CFAP251: variants seen among roughly 807,000 people sequenced by gnomAD.
CFAP251 encodes cilia and flagella associated protein 251.
In CFAP251, 93 loss-of-function variants were observed where a neutral mutation model predicts 126.7. The observed-to-expected ratio is 0.73, with a 90% CI of 0.62 to 0.87. CFAP251 has a LOEUF of 0.87. Among genes scored for constraint, CFAP251 ranks in the 40% least tolerant of loss-of-function variants. The pLI is 0.00. For synonymous variants in CFAP251, 503 were observed against 506.9 expected (o/e 0.99, Z 0.10); for missense variants, 1,287 against 1,389.2 (o/e 0.93, Z 1.17).
In CFAP251 at chr12:121,975,304, G is replaced by C. The variant is rs201027242; in HGVS notation, c.2832G>C (p.Leu944=). 1.8e-5 allele frequency: 29 copies of C among 1,614,086 alleles called. No homozygotes were observed. Among genetic ancestry groups the C allele is most frequent in the Non-Finnish European group, 3.4e-6 (4 of 1,180,044 alleles). Residue 944 remains leucine, a synonymous_variant, in exon 18 of 22, where the codon CTG becomes CTC. Transcript: ENST00000288912. ...GEDLTPFYGL[L]SGGREGKFYR... is the part of the protein sequence containing the mutation. ...ACTTGACCCCATTCTATGGTCTGCT[G>C]TCTGGTGGCCGGGAAGGAAAATTCT...
chr12:121,978,114 C>T (rs994573926), intron 19 of CFAP251, among the ~76,000 whole-genome samples: 5 of 151,258 alleles, frequency 3.3e-5, no homozygotes, highest in African/African-American at 4.9e-5. Context: ...TCTCCAAGGC[C>T]GGGCGCGGTG....
At chr12:121,931,279 AT>A (rs11294634) in intron 3 of CFAP251, among the ~76,000 whole-genome samples, 9,267 of 151,882 alleles carry the variant, frequency 0.061, 525 homozygotes, top group East Asian at 0.21. Context: ...CACCCTTTAA[AT>A]TTTTTTTTAA....
intron 17 of CFAP251, chr12:121,969,028 C>T (rs915023559): frequency 8.1e-6 from 8 of 985,170 alleles, no homozygotes; most frequent in Middle Eastern, 5.2e-4. Flanking sequence ...GACCACTTCT[C>T]CAAGCCCCTG....
rs1235366137 is a variant in CFAP251, at chr12:121,951,671, C to G, written c.1320+141C>G. On this transcript the variant is annotated intron_variant, in intron 9 of 21. Transcript: ENST00000288912. ...ATAATTTGAAAAATTTTACTTGGGT[C>G]CTGTATACATATTGAATTGTCAGTT... 7.2e-6 allele frequency: 4 copies of G among 555,416 alleles called. No individual in the cohort carries two copies. The Admixed American group carries it at 1.1e-4, about 16-fold the overall frequency. The allele number at this position is 555,416 out of a possible 1,614,324, so 34.4% of individuals were successfully genotyped here. A position where few individuals can be genotyped will look rare whatever the true frequency, so the allele number is the denominator to read the frequency against.
chr12:121,979,385 G>A (rs144455470), intron 19 of CFAP251, among the ~76,000 whole-genome samples: 4 of 152,076 alleles, frequency 2.6e-5, no homozygotes, highest in South Asian at 2.1e-4. Context: ...AAGCTGCATC[G>A]GAGCATTTAC....
At chr12:121,939,867 T>C (rs566617674) in intron 5 of CFAP251, among the ~76,000 whole-genome samples, 2 of 152,348 alleles carry the variant, frequency 1.3e-5, no homozygotes, top group East Asian at 3.9e-4. Context: ...CTTTGATTAA[T>C]GTTTGGCCCC....
intron 7 of CFAP251, among the ~76,000 whole-genome samples, chr12:121,947,429 G>A (rs761057975): frequency 7.9e-5 from 12 of 151,640 alleles, no homozygotes; most frequent in Non-Finnish European, 7.4e-5. Context: ...TTTTCCCCTT[G>A]GTTTTCAGTC....
rs771231422 is a variant in CFAP251, at chr12:121,968,120, A to G, written c.2722A>G (p.Thr908Ala). ...AVSYDGCYAF[T>A]AGGHDRSVVQ... ...TTCCTATGATGGCTGCTACGCCTTC[A>G]CTGCGGGAGGGCACGATCGCTCGGT... Residue 908 changes from threonine (T) to alanine (A), a missense_variant, in exon 17 of 22, where the codon ACT becomes GCT. Coordinates refer to ENST00000288912, the MANE Select transcript of CFAP251 (RefSeq NM_144668.6). 1 of 1,613,150 alleles carries G rather than the reference A, an allele frequency of 6.2e-7. No individual in the cohort carries two copies. Among genetic ancestry groups the G allele is most frequent in the Non-Finnish European group, 8.5e-7 (1 of 1,179,240 alleles).
At chr12:121,923,504 A>T in intron 2 of CFAP251, 118 bp from the exon 3 acceptor site, 2 of 1,344,918 alleles carry the variant, frequency 1.5e-6, no homozygotes, top group Non-Finnish European at 2.0e-6. Context: ...CTTTTAAAAA[A>T]CATTTCATAA....
chr12:121,975,771 A>G, intron 19 of CFAP251, 86 bp downstream of exon 19: 2 of 1,417,512 alleles, frequency 1.4e-6, no homozygotes, highest in Non-Finnish European at 1.9e-6. Context: ...GGTCAAAGCA[A>G]AAATTGCACA....
chr12:121,967,151 A>C, intron 16 of CFAP251, 82 bp downstream of exon 16: 5 of 1,352,638 alleles, frequency 3.7e-6, no homozygotes, highest in Non-Finnish European at 5.2e-6. Context: ...CACGAGACTC[A>C]GAGAGTTCTG....
chr12:121,919,143 A>ATT lies in CFAP251; in HGVS notation c.-21+457_-21+458dup, dbSNP rs11374417. ...TTATTTATTTATTATTATTATTATT[A>ATT]TTTTTTTTTTACCAGAGATGAATTT... is the stretch of plus-strand genomic sequence containing the variant. On this transcript the variant is annotated intron_variant, in intron 1 of 21. Transcript: ENST00000288912. 7.4e-3 allele frequency among the ~76,000 whole-genome samples: 1,088 copies of ATT among 146,612 alleles called. 14 individuals carry two copies. Among genetic ancestry groups the ATT allele is most frequent in the African/African-American group, 0.02 (788 of 40,294 alleles).
Position 121,921,401 on chromosome 12 carries a change from A to C in CFAP251, c.96A>C (p.Glu32Asp), listed in dbSNP as rs1263029838. Reference sequence around the variant, plus strand: ...AGGAACCTAATCCAAATTATAAAGAAGTAGAAGATCCACAACAGGAATCAA... The same window carrying C: ...AGGAACCTAATCCAAATTATAAAGACGTAGAAGATCCACAACAGGAATCAA... The part of the protein sequence containing the change: ...EEEEPNPNYK[E>D]VEDPQQESKD... Residue 32 changes from glutamate (E) to aspartate (D), a missense_variant, in exon 2 of 22, where the codon GAA (glutamate) becomes GAC (aspartate). By Grantham distance (45) the Glu-to-Asp change is conservative. Transcript: ENST00000288912. 2 of 1,613,952 alleles carry C rather than the reference A, an allele frequency of 1.2e-6. No homozygotes were observed. The highest frequency in any genetic ancestry group is 1.7e-6 in the Non-Finnish European group (2 of 1,180,026).
intron 19 of CFAP251, chr12:121,997,252 G>A (rs1593009748): frequency 6.6e-6 from 1 of 152,100 alleles, no homozygotes; most frequent in Admixed American, 6.6e-5. Context: ...CACAACACCC[G>A]GCTCATTTTT....
intron 7 of CFAP251, among the ~76,000 whole-genome samples, chr12:121,945,631 C>G (rs1044518161): frequency 2.6e-5 from 4 of 151,320 alleles, no homozygotes; most frequent in Admixed American, 1.3e-4. Context: ...GTATAAGCCA[C>G]CGTGCCCGGC....
chr12:121,968,539 C>A (rs533892781), intron 17 of CFAP251, among the ~76,000 whole-genome samples: 1 of 131,242 alleles, frequency 7.6e-6, no homozygotes, highest in East Asian at 1.9e-4. Context: ...GGCTCCTCTT[C>A]TCACCCTCCC....
At chr12:121,955,831 A>C (rs1365753335) in intron 10 of CFAP251, 1 of 152,234 alleles carries the variant, frequency 6.6e-6, no homozygotes, top group Non-Finnish European at 1.5e-5. Flanking sequence ...TTTAGGATCC[A>C]GTGGAGACCA....
chr12:121,957,194 C>T lies in CFAP251; in HGVS notation c.1656C>T (p.Thr552=). ...GAIRTLSFSK[T]PATPPTEKSN... ...TAAGAACTCTGTCCTTTTCAAAGAC[C>T]CCAGCAACTCCTCCTACTGAAAAAT... is the stretch of plus-strand genomic sequence containing the variant. The change falls in exon 11 of 22, where the codon ACC becomes ACT. Residue 552 remains threonine (T), a synonymous_variant. Coordinates refer to ENST00000288912, the MANE Select transcript of CFAP251 (RefSeq NM_144668.6). The T allele has an allele frequency of 6.2e-7, 1 of 1,614,032 alleles. No homozygotes were observed. Among genetic ancestry groups the T allele is most frequent in the East Asian group, 2.2e-5 (1 of 44,864 alleles).
In CFAP251 at chr12:121,996,765, TCTG is replaced by T. The variant is rs1883029698; in HGVS notation, c.3007-2947_3007-2945del. 2 of 152,172 alleles carry T rather than the reference TCTG, an allele frequency of 1.3e-5. 1 individual carries two copies. Among genetic ancestry groups the T allele is most frequent in the African/African-American group, 4.8e-5 (2 of 41,440 alleles). The allele number at this position is 152,172 out of a possible 1,614,324, so 9.4% of individuals were successfully genotyped here. ...CAGTAGTAACACCATCACCCGATCA[TCTG>T]CTGGTGGCCAAAAGGAAAGCCCTTA... On this transcript the variant is annotated intron_variant, in intron 19 of 21. Coordinates refer to ENST00000288912, the MANE Select transcript of CFAP251 (RefSeq NM_144668.6).
Sources: gnomAD v4.1 joint callset for allele counts (sites outside exome capture counted in the v4.1 genomes callset) on GRCh38, gnomAD v4.1.1 for gene constraint, MANE v1.5 for transcripts, NCBI Gene and HGNC (gene_info 2026-07-23, HGNC 2026-07-21) for gene names.